The following CHST9 variants were observed in gnomAD, a reference collection of about 807,000 sequenced individuals.
The protein encoded by CHST9 is carbohydrate sulfotransferase 9, also known as GalNAc-4-sulfotransferase 2.
A neutral mutation model predicts 44.4 loss-of-function variants in CHST9; 41 were observed. That is an observed-to-expected ratio of 0.92 (90% confidence interval 0.72 to 1.20). The LOEUF (loss-of-function observed/expected upper bound fraction) is 1.20. CHST9 is among the 50% of genes most tolerant of loss of function. The pLI is 0.00. For synonymous variants in CHST9, 171 were observed against 178.4 expected (o/e 0.96, Z 0.33); for missense variants, 504 against 516.5 (o/e 0.98, Z 0.23).
chr18:27,081,653 G>T (rs1037492162), intron 2 of CHST9, among the ~76,000 whole-genome samples: 1 of 152,140 alleles, frequency 6.6e-6, no homozygotes, highest in Non-Finnish European at 1.5e-5. Flanking sequence ...AATCAATGGA[G>T]TAATAAATGA....
intron 5 of CHST9, chr18:26,930,928 A>C (rs2055866001): frequency 1.0e-5 from 1 of 98,074 alleles, no homozygotes; most frequent in Non-Finnish European, 2.1e-5. Context: ...CAGAATATAC[A>C]TGGGGTGGGG....
intron 4 of CHST9, among the ~76,000 whole-genome samples, chr18:26,969,535 G>A (rs60742277): frequency 4.6e-5 from 7 of 151,856 alleles, no homozygotes; most frequent in Non-Finnish European, 1.0e-4. Context: ...CTTGAAAACC[G>A]ACCGGGCTAG....
intron 2 of CHST9, among the ~76,000 whole-genome samples, chr18:27,060,994 T>C (rs1229585048): frequency 6.6e-6 from 1 of 152,234 alleles, no homozygotes. Context: ...AAGACACGCA[T>C]GGGAGAAACC....
chr18:27,049,544 CAAT>C (rs1458837119), intron 2 of CHST9, among the ~76,000 whole-genome samples: 2 of 151,950 alleles, frequency 1.3e-5, no homozygotes, highest in Non-Finnish European at 2.9e-5. Flanking sequence ...TATAGCCATA[CAAT>C]AATGGTGGGG....
At chr18:27,008,388 G>A (rs1207587946) in intron 4 of CHST9, among the ~76,000 whole-genome samples, 1 of 152,146 alleles carries the variant, frequency 6.6e-6, no homozygotes, top group African/African-American at 2.4e-5. Context: ...TTAAGCATTT[G>A]TATTAATAAC....
chr18:27,140,256 C>T (rs771581933), intron 2 of CHST9, among the ~76,000 whole-genome samples: 1 of 152,190 alleles, frequency 6.6e-6, no homozygotes, highest in Non-Finnish European at 1.5e-5. Flanking sequence ...GGATACGCCC[C>T]TTATCCCTCT....
intron 4 of CHST9, among the ~76,000 whole-genome samples, chr18:26,990,166 T>C (rs762684958): frequency 6.6e-6 from 1 of 152,142 alleles, no homozygotes; most frequent in Non-Finnish European, 1.5e-5. Context: ...TACCATATGA[T>C]TCCATTTATG....
At position 26,917,297 on chromosome 18, in the gene CHST9, T is replaced by G; in HGVS notation, c.294A>C (p.Leu98=). 1 of 1,612,940 alleles carries G rather than the reference T, an allele frequency of 6.2e-7. No individual in the cohort carries two copies. Among genetic ancestry groups the G allele is most frequent in the Non-Finnish European group, 8.5e-7 (1 of 1,179,580 alleles). Residue 98 remains leucine, a synonymous_variant, in exon 6 of 6, where the codon CTA becomes CTC. Coordinates refer to ENST00000618847, the MANE Select transcript of CHST9 (RefSeq NM_031422.6). ...EDVREKKENL[L]LNSERSTRLL... is the part of the protein sequence containing the mutation. The stretch of plus-strand genomic sequence containing the variant: ...GCCTAGTAGATCTCTCAGAATTGAG[T>G]AGAAGATTTTCCTTTTTTTCTCGTA...
rs1555675551 is a variant in CHST9 at position 27,000,622 on chromosome 18, G to GTCTATCTACCTATCTATCTATCTATCTA, written c.202+23493_202+23494insTAGATAGATAGATAGATAGGTAGATAGA. Among the ~76,000 whole-genome samples, 276 of 147,608 alleles carry GTCTATCTACCTATCTATCTATCTATCTA rather than the reference G, an allele frequency of 1.9e-3. 2 individuals carry two copies. Among genetic ancestry groups the GTCTATCTACCTATCTATCTATCTATCTA allele is most frequent in the African/African-American group, 6.4e-3 (259 of 40,472 alleles). On this transcript the variant is annotated intron_variant, in intron 4 of 5. Coordinates refer to ENST00000618847, the MANE Select transcript of CHST9 (RefSeq NM_031422.6). The stretch of plus-strand genomic sequence containing the variant: ...TTTCTCTCCATCATTTATTTGTTTT[G>GTCTATCTACCTATCTATCTATCTATCTA]TCTATCTATCTATCTATCTATCTAT...
In CHST9 at chr18:26,908,045, T is replaced by G. The variant is rs2055391918; in HGVS notation, c.*8214A>C. 6.5e-6 allele frequency: 1 copy of G among 152,848 alleles called. No individual in the cohort carries two copies. Among genetic ancestry groups the G allele is most frequent in the Non-Finnish European group, 1.5e-5 (1 of 68,436 alleles). The allele number at this position is 152,848 out of a possible 1,614,324, so 9.5% of individuals were successfully genotyped here. On this transcript the variant is annotated 3_prime_UTR_variant, in exon 6 of 6. Coordinates refer to ENST00000618847, the MANE Select transcript of CHST9 (RefSeq NM_031422.6). ...TTGTTTAATAGGTGCAGAGTATCCA[T>G]TTTTCACAAGGAAGGAAGGTATGTG...
At chr18:27,102,714 C>T (rs1488874447) in intron 2 of CHST9, among the ~76,000 whole-genome samples, 3 of 152,158 alleles carry the variant, frequency 2.0e-5, no homozygotes, top group Non-Finnish European at 2.9e-5. Context: ...TTGGGTATCA[C>T]CCTGAACTTC....
chr18:26,917,875 A>ATT (rs11464748), intron 5 of CHST9, among the ~76,000 whole-genome samples: 16,298 of 150,300 alleles, frequency 0.11, 1,115 homozygotes, highest in East Asian at 0.22. Flanking sequence ...AAAATCATGT[A>ATT]TTTTTTTTTT....
At chr18:27,081,663 A>G (rs2057962174) in intron 2 of CHST9, among the ~76,000 whole-genome samples, 1 of 152,226 alleles carries the variant, frequency 6.6e-6, no homozygotes, top group Non-Finnish European at 1.5e-5. Flanking sequence ...GTAATAAATG[A>G]AAGAGTCAGA....
chr18:27,158,452 G>T (rs1277482741), intron 1 of CHST9, among the ~76,000 whole-genome samples: 1 of 151,108 alleles, frequency 6.6e-6, no homozygotes, highest in African/African-American at 2.4e-5. Context: ...TTTTATGGCT[G>T]CATAGTATTC....
chr18:27,092,157 C>A (rs1417946506), intron 2 of CHST9, among the ~76,000 whole-genome samples: 4 of 152,122 alleles, frequency 2.6e-5, no homozygotes, highest in African/African-American at 9.7e-5. Flanking sequence ...CAACTTCTTC[C>A]TGGTTTAGTC....
intron 4 of CHST9, among the ~76,000 whole-genome samples, chr18:26,992,963 T>C (rs1355282846): frequency 6.6e-6 from 1 of 152,220 alleles, no homozygotes; most frequent in Non-Finnish European, 1.5e-5. Flanking sequence ...CATTTCCTTA[T>C]AATCTGCAGG....
intron 3 of CHST9, among the ~76,000 whole-genome samples, chr18:27,040,441 G>C (rs933078280): frequency 5.9e-5 from 9 of 152,056 alleles, no homozygotes; most frequent in African/African-American, 2.2e-4. Flanking sequence ...GCTTCTGAAA[G>C]GGACCCCTGG....
intron 5 of CHST9, among the ~76,000 whole-genome samples, chr18:26,943,709 CTTTG>C (rs778196405): frequency 1.3e-5 from 2 of 152,150 alleles, no homozygotes; most frequent in Non-Finnish European, 2.9e-5. Flanking sequence ...GAAGGCCTCT[CTTTG>C]TTTGTGTGGC....
intron 2 of CHST9, among the ~76,000 whole-genome samples, chr18:27,123,284 T>A (rs944698330): frequency 1.3e-5 from 2 of 152,144 alleles, no homozygotes; most frequent in Admixed American, 6.5e-5. Flanking sequence ...CATACACCCA[T>A]ACTCTGACAG....
Sources: allele counts gnomAD v4.1 joint callset (sites outside exome capture counted in the v4.1 genomes callset), GRCh38; gene constraint gnomAD v4.1.1; transcripts MANE v1.5; gene names NCBI Gene and HGNC (gene_info 2026-07-23, HGNC 2026-07-21).